The following CDH2 variants were observed in gnomAD, a reference collection of about 807,000 sequenced individuals.
CDH2 encodes cadherin-2.
A neutral mutation model predicts 92.0 loss-of-function variants in CDH2; 17 were observed. The ratio of observed to expected loss-of-function variants is 0.18; its 90% CI spans 0.13 to 0.28. The LOEUF (loss-of-function observed/expected upper bound fraction) is 0.28, where lower values mean the gene tolerates loss of function less well. CDH2 is among the 10% of genes least tolerant of loss of function. The probability of loss-of-function intolerance (pLI) is 1.00; values close to 1 mark genes in which losing one functional copy is unlikely to be tolerated. For synonymous variants in CDH2, 419 were observed against 415.9 expected (o/e 1.01, Z -0.09); for missense variants, 862 against 1,133.1 (o/e 0.76, Z 3.44).
chr18:28,097,391 T>A (rs910124283), intron 2 of CDH2, among the ~76,000 whole-genome samples: 15 of 136,824 alleles, frequency 1.1e-4, no homozygotes, highest in African/African-American at 3.9e-4. Context: ...AAAAAAAAAA[T>A]GGAACTCACA....
At chr18:28,036,273 C>T (rs2013825423) in intron 2 of CDH2, among the ~76,000 whole-genome samples, 1 of 152,036 alleles carries the variant, frequency 6.6e-6, no homozygotes, top group Non-Finnish European at 1.5e-5. Context: ...CCATCCCACC[C>T]CCATAAAATA....
chr18:28,071,390 G>A (rs572472116), intron 2 of CDH2, among the ~76,000 whole-genome samples: 1 of 152,160 alleles, frequency 6.6e-6, no homozygotes, highest in African/African-American at 2.4e-5. Flanking sequence ...GATGAAGCAG[G>A]AAGTCAAGCA....
chr18:28,023,364 C>A (rs1377306562), intron 2 of CDH2, among the ~76,000 whole-genome samples: 27 of 152,110 alleles, frequency 1.8e-4, no homozygotes, highest in Non-Finnish European at 1.5e-5. Context: ...TGCTTTGTCA[C>A]CCAGGCTGGA....
intron 2 of CDH2, among the ~76,000 whole-genome samples, chr18:28,125,739 G>A (rs193219521): frequency 7.2e-5 from 11 of 152,088 alleles, no homozygotes; most frequent in Admixed American, 3.9e-4. Context: ...TAACAGGCAC[G>A]TAAGACAGTC....
chr18:28,004,972 T>C (rs983919656), intron 6 of CDH2, among the ~76,000 whole-genome samples: 7 of 152,180 alleles, frequency 4.6e-5, no homozygotes, highest in Non-Finnish European at 7.4e-5. Context: ...CTGGTGTCAA[T>C]GACAAAGGTA....
Position 28,076,526 on chromosome 18 carries a change from T to A in CDH2, c.173-62617A>T, listed in dbSNP as rs17494374. ...ATTGCTCAATAATTTTTTAACATTTTAGATACAGTTTTTTTTCCTTTTTTT... is the reference window on the plus strand; with the variant it reads ...ATTGCTCAATAATTTTTTAACATTTAAGATACAGTTTTTTTTCCTTTTTTT... On this transcript the variant is annotated intron_variant, in intron 2 of 15. Coordinates refer to ENST00000269141, the MANE Select transcript of CDH2 (RefSeq NM_001792.5). 2.9e-3 allele frequency among the ~76,000 whole-genome samples: 442 copies of A among 152,316 alleles called. 2 individuals are homozygous for A. The highest frequency in any genetic ancestry group is 0.01 in the African/African-American group (421 of 41,576).
chr18:27,966,525 C>T (rs995593929), intron 14 of CDH2, among the ~76,000 whole-genome samples: 43 of 152,258 alleles, frequency 2.8e-4, no homozygotes, highest in African/African-American at 1.0e-3. Flanking sequence ...TTTTGATTGG[C>T]TAGCAGACTT....
At chr18:28,152,005 C>A (rs2016130406) in intron 1 of CDH2, among the ~76,000 whole-genome samples, 1 of 143,390 alleles carries the variant, frequency 7.0e-6, no homozygotes, top group Admixed American at 6.7e-5. Context: ...GAAAGATATT[C>A]TTCTTCTTTT....
intron 2 of CDH2, among the ~76,000 whole-genome samples, chr18:28,098,402 A>T (rs1393630342): frequency 2.6e-5 from 4 of 152,188 alleles, no homozygotes; most frequent in African/African-American, 9.6e-5. Context: ...CCTAGAAGAA[A>T]TGCAAAGTTA....
In CDH2 at chr18:27,988,560, T is replaced by C. The variant is rs201217518; in HGVS notation, c.1705A>G (p.Asn569Asp). ...LDRESPNVKN[N>D]IYNATFLASD... ...GCAAGGAAAGTAGCATTATATATAT[T>C]GTTTTTCACATTTGGTGATTCTCGG... is the stretch of plus-strand genomic sequence containing the variant. The change falls in exon 11 of 16, where the codon AAT becomes GAT. Residue 569 changes from asparagine (N) to aspartate (D), a missense_variant. By Grantham distance (23) the Asn-to-Asp change is conservative. Around this residue, in one of 5 missense-constraint regions of CDH2, gnomAD observed 564 missense variants for 722.2 expected, o/e 0.78. Coordinates refer to ENST00000269141, the MANE Select transcript of CDH2 (RefSeq NM_001792.5). The C allele has an allele frequency of 1.2e-6, 2 of 1,613,330 alleles. No homozygotes were observed. The highest frequency in any genetic ancestry group is 1.7e-6 in the Non-Finnish European group (2 of 1,179,324).
At chr18:28,158,218 G>A (rs1337334396) in intron 1 of CDH2, among the ~76,000 whole-genome samples, 2 of 152,264 alleles carry the variant, frequency 1.3e-5, no homozygotes, top group East Asian at 1.9e-4. Context: ...CAACATTCAA[G>A]GCACAGCTTC....
At chr18:28,011,724 A>G in intron 4 of CDH2, 122 bp downstream of exon 4, 1 of 897,026 alleles carries the variant, frequency 1.1e-6, no homozygotes, top group Non-Finnish European at 1.7e-6. Flanking sequence ...TTCTATCTTT[A>G]TAGAAAAACA....
chr18:27,974,892 T>C (rs993253705), intron 14 of CDH2, among the ~76,000 whole-genome samples: 2 of 152,200 alleles, frequency 1.3e-5, no homozygotes, highest in African/African-American at 4.8e-5. Flanking sequence ...GAAATAAATT[T>C]GTCTTGTTTA....
chr18:28,118,615 G>A (rs1029101174), intron 2 of CDH2, among the ~76,000 whole-genome samples: 17 of 151,384 alleles, frequency 1.1e-4, no homozygotes, highest in Admixed American at 5.9e-4. Flanking sequence ...GTGTGTGTGC[G>A]CTGACTTTAG....
chr18:28,172,632 G>A (rs932581524), intron 1 of CDH2, among the ~76,000 whole-genome samples: 1 of 152,092 alleles, frequency 6.6e-6, no homozygotes, highest in African/African-American at 2.4e-5. Context: ...CTGTCAGAGC[G>A]AAATACTTAT....
chr18:28,080,414 G>A (rs6508524), intron 2 of CDH2, among the ~76,000 whole-genome samples: 11,765 of 152,092 alleles, frequency 0.077, 1,512 homozygotes, highest in African/African-American at 0.27. Context: ...AGTTCCAATG[G>A]GTTTCTGCCA....
intron 6 of CDH2, among the ~76,000 whole-genome samples, chr18:27,943,019 C>CT (rs1909182235): frequency 6.6e-6 from 1 of 152,198 alleles, no homozygotes; most frequent in Non-Finnish European, 1.5e-5. Context: ...CACACACCCA[C>CT]ACTTCTATGC....
At chr18:28,109,092 C>T (rs1460414720) in intron 2 of CDH2, among the ~76,000 whole-genome samples, 3 of 152,134 alleles carry the variant, frequency 2.0e-5, no homozygotes, top group Admixed American at 1.3e-4. Context: ...AATTAGGCTG[C>T]TAATGACCTA....
At chr18:28,167,644 ACT>A (rs1249861823) in intron 1 of CDH2, among the ~76,000 whole-genome samples, 7 of 151,928 alleles carry the variant, frequency 4.6e-5, no homozygotes, top group Admixed American at 4.6e-4. Flanking sequence ...TACTGGTAAA[ACT>A]CTGTCTTGAT....
Sources: gnomAD v4.1 joint callset for allele counts (sites outside exome capture counted in the v4.1 genomes callset) on GRCh38, gnomAD v4.1.1 for gene constraint, gnomAD v4.1.1 regional missense constraint, MANE v1.5 for transcripts, NCBI Gene and HGNC (gene_info 2026-07-23, HGNC 2026-07-21) for gene names.